The following WDR46 variants were observed in gnomAD, a reference collection of about 807,000 sequenced individuals.
WDR46 encodes WD repeat-containing protein 46.
Under a neutral mutation model 74.7 loss-of-function variants are expected in WDR46, and 58 were observed. That is an observed-to-expected ratio of 0.78 (90% confidence interval 0.63 to 0.97). WDR46 has a LOEUF of 0.97. WDR46 is among the 50% of genes least tolerant of loss of function. The probability of loss-of-function intolerance (pLI) is 0.00; values close to 1 mark genes in which losing one functional copy is unlikely to be tolerated. For synonymous variants in WDR46, 278 were observed against 297.3 expected, an observed-to-expected ratio of 0.93 and a Z score of 0.67; for missense variants, 702 against 790.1, an observed-to-expected ratio of 0.89 and a Z score of 1.34.
Position 33,288,417 on chromosome 6 carries a change from C to T in WDR46, c.414G>A (p.Glu138=). 1 of 1,614,182 alleles carries T rather than the reference C, an allele frequency of 6.2e-7. No homozygotes were observed. The highest frequency in any genetic ancestry group is 8.5e-7 in the Non-Finnish European group (1 of 1,180,042). The part of the protein sequence containing the change: ...TRSRLEVAEA[E]EEETSIKAAR... The stretch of plus-strand genomic sequence containing the variant: ...CAGCTTTGATACTTGTTTCCTCTTC[C>T]TCAGCTTCAGCCACCTCAAGTCGGC... The change falls in exon 4 of 15, where the codon GAG becomes GAA. Residue 138 remains glutamate, a synonymous_variant. Transcript: ENST00000374617.
At chr6:33,282,461 A>G (rs887152438) in intron 10 of WDR46, among the ~76,000 whole-genome samples, 1 of 152,260 alleles carries the variant, frequency 6.6e-6, no homozygotes, top group South Asian at 2.1e-4. Flanking sequence ...ACACCCATCT[A>G]TGGGACCCCT....
chr6:33,288,317 C>T (rs1337149211), intron 4 of WDR46, 41 bp downstream of exon 4: 2 of 1,613,684 alleles, frequency 1.2e-6, no homozygotes, highest in African/African-American at 1.3e-5. Context: ...AAGACAGTCC[C>T]AAAAGGCAGG....
At chr6:33,287,940 AAG>A in intron 6 of WDR46, 23 bp downstream of exon 6, 1 of 1,613,328 alleles carries the variant, frequency 6.2e-7, no homozygotes, top group South Asian at 1.1e-5. Context: ...ATCTTAGTTC[AAG>A]AGTCACTAGA....
chr6:33,284,448 G>A (rs372832796), intron 10 of WDR46: 1 of 153,798 alleles, frequency 6.5e-6, no homozygotes, highest in African/African-American at 2.4e-5. Flanking sequence ...TGTGGAAAAT[G>A]CAGATACTCC....
At chr6:33,280,639 C>T in intron 11 of WDR46, 35 bp downstream of exon 11, 1 of 1,591,644 alleles carries the variant, frequency 6.3e-7, no homozygotes, top group Non-Finnish European at 8.6e-7. Context: ...ACCCAGAGTT[C>T]ATTCACTTCA....
At chr6:33,286,917 G>A in intron 9 of WDR46, 23 bp from the exon 10 acceptor site, 1 of 1,613,032 alleles carries the variant, frequency 6.2e-7, no homozygotes, top group Non-Finnish European at 8.5e-7. Flanking sequence ...AAGAACCAAA[G>A]TTGCTAATAC....
In WDR46 at chr6:33,280,473, G is replaced by C. The variant is rs1384866295; in HGVS notation, c.1479C>G (p.Ser493Arg). ...CCTCCCACTCCTGGCGCTGCTTCCGGCTTCTGTATGGATTACTCTCCAGGC... is the reference window on the plus strand; with the variant it reads ...CCTCCCACTCCTGGCGCTGCTTCCGCCTTCTGTATGGATTACTCTCCAGGC... ...FDGLESNPYR[S>R]RKQRQEWEVK... The change falls in exon 12 of 15, where the codon AGC (serine) becomes AGG (arginine). Residue 493 changes from serine to arginine, a missense_variant. Ser to Arg is a moderately radical substitution (Grantham distance 110). Coordinates refer to ENST00000374617, the MANE Select transcript of WDR46 (RefSeq NM_005452.6). The C allele has an allele frequency of 6.3e-7, 1 of 1,598,460 alleles. No homozygotes were observed. The highest frequency in any genetic ancestry group is 8.5e-7 in the Non-Finnish European group (1 of 1,171,674).
rs1766996147 is a variant in WDR46, at chr6:33,288,965, C to T, written c.118G>A (p.Ala40Thr). 1.2e-6 allele frequency: 2 copies of T among 1,614,126 alleles called. No homozygotes were observed. The highest frequency in any genetic ancestry group is 8.5e-7 in the Non-Finnish European group (1 of 1,180,030). The part of the protein sequence containing the change: ...EEETVPTTAG[A>T]SPGPPRNKKN... ...TTGTTACGAGGAGGCCCTGGAGAGG[C>T]TCCGGCTGTGGTCGGAACGGTCTCT... The change falls in exon 2 of 15, where the codon GCC (alanine) becomes ACC (threonine). Residue 40 changes from alanine to threonine, a missense_variant. Coordinates refer to ENST00000374617, the MANE Select transcript of WDR46 (RefSeq NM_005452.6).
At position 33,280,822 on chromosome 6, in the gene WDR46, TGCCCA is replaced by T. The variant is rs1262873212; in HGVS notation, c.1276_1280del (p.Trp426ArgfsTer11). ...AGGGTGGGCTGGCCTTGCCCTGCCC[TGCCCA>T]GATGTTGACAACGTCACCCATTCCC... On this transcript the variant is annotated frameshift_variant, in exon 11 of 15. Transcript: ENST00000374617. LOFTEE classifies it high-confidence loss of function. 2.5e-6 allele frequency: 4 copies of T among 1,614,050 alleles called. No individual in the cohort carries two copies. The East Asian group carries it at 6.7e-5, about 27-fold the overall frequency.
intron 4 of WDR46, 31 bp from the exon 5 acceptor site, chr6:33,288,266 C>A (rs1268687259): frequency 2.5e-6 from 4 of 1,613,840 alleles, no homozygotes; most frequent in Non-Finnish European, 3.4e-6. Context: ...GGCAGTAAAG[C>A]TTCCCAATAT....
At position 33,288,313 on chromosome 6, in the gene WDR46, G is replaced by C. The variant is rs371500079; in HGVS notation, c.473+45C>G. The stretch of plus-strand genomic sequence containing the variant: ...ACCAACATAAAAACGAGAAAAGACA[G>C]TCCCAAAAGGCAGGGAATGGGGGTC... On this transcript the variant is annotated intron_variant, in intron 4 of 14. Transcript: ENST00000374617. 3.0e-5 allele frequency: 49 copies of C among 1,612,710 alleles called. No individual in the cohort carries two copies. In the Middle Eastern group the frequency reaches 6.6e-4, roughly 22 times the overall value.
At chr6:33,282,219 TGAACCCAGGA>T (rs1372614490) in intron 10 of WDR46, among the ~76,000 whole-genome samples, 3 of 152,186 alleles carry the variant, frequency 2.0e-5, no homozygotes, top group Admixed American at 6.5e-5. Context: ...GCCTTGGCTG[TGAACCCAGGA>T]GAAGGGAACT....
In WDR46 at chr6:33,288,985, G is replaced by A. The variant is rs755172554; in HGVS notation, c.98C>T (p.Thr33Ile). ...KKPRRYWEEE[T>I]VPTTAGASPG... The stretch of plus-strand genomic sequence containing the variant: ...AGAGGCTCCGGCTGTGGTCGGAACG[G>A]TCTCTTCCTCCCAGTATCGCCGCGG... The change falls in exon 2 of 15, where the codon ACC becomes ATC. Residue 33 changes from threonine (T) to isoleucine (I), a missense_variant. Thr to Ile is a moderately conservative substitution (Grantham distance 89). Coordinates refer to ENST00000374617, the MANE Select transcript of WDR46 (RefSeq NM_005452.6). 1 of 1,613,948 alleles carries A rather than the reference G, an allele frequency of 6.2e-7. No homozygotes were observed. The highest frequency in any genetic ancestry group is 8.5e-7 in the Non-Finnish European group (1 of 1,180,040).
rs1288015437 is a variant in WDR46 at position 33,280,847 on chromosome 6, A to G, written c.1256T>C (p.Met419Thr). Reference protein sequence around the residue: ...FSQRGLLVAGMGDVVNIWAGQ... With the variant: ...FSQRGLLVAGTGDVVNIWAGQ... ...TGCCCAGATGTTGACAACGTCACCC[A>G]TTCCCGCCACCAGCAGTCCCCTCTG... Residue 419 changes from methionine (M) to threonine (T), a missense_variant, in exon 11 of 15, where the codon ATG becomes ACG. By Grantham distance (81) the Met-to-Thr change is moderately conservative (BLOSUM62 -1). Coordinates refer to ENST00000374617, the MANE Select transcript of WDR46 (RefSeq NM_005452.6). 18 of 1,614,174 alleles carry G rather than the reference A, an allele frequency of 1.1e-5. No homozygotes were observed. The highest frequency in any genetic ancestry group is 1.5e-5 in the Non-Finnish European group (18 of 1,180,012).
Position 33,280,910 on chromosome 6 carries a change from C to G in WDR46, c.1193G>C (p.Arg398Pro), listed in dbSNP as rs777997886. 1 of 1,614,128 alleles carries G rather than the reference C, an allele frequency of 6.2e-7. No homozygotes were observed. The highest frequency in any genetic ancestry group is 2.2e-5 in the East Asian group (1 of 44,874). Residue 398 changes from arginine to proline, a missense_variant, in exon 11 of 15, where the codon CGG (arginine) becomes CCG (proline). Physicochemically the swap from Arg to Pro is moderately radical, Grantham distance 103. Coordinates refer to ENST00000374617, the MANE Select transcript of WDR46 (RefSeq NM_005452.6). ...LRGTYQPLSTRTLPHGAGHLA... is the reference protein window; with the variant it reads ...LRGTYQPLSTPTLPHGAGHLA... ...GTGCCCTGCTCCATGGGGCAGGGTC[C>G]GAGTGCTCAGAGGCTGGTACGTCCC...
chr6:33,288,066 T>C (rs760598742), intron 5 of WDR46, 40 bp from the exon 6 acceptor site: 1 of 1,613,948 alleles, frequency 6.2e-7, no homozygotes, highest in Non-Finnish European at 8.5e-7. Context: ...TGCCCTGCAG[T>C]AACGCCTTCT....
chr6:33,288,369 A>G lies in WDR46; in HGVS notation c.462T>C (p.Ala154=), dbSNP rs150935164. The part of the protein sequence containing the change: ...IKAARSELLL[A]EEPGFLEGED... ...TAGGGCTCACTCACCCAGGTTCTTC[A>G]GCAAGCAGCAGCTCAGAACGAGCAG... Residue 154 remains alanine, a synonymous_variant, in exon 4 of 15, where the codon GCT becomes GCC. Coordinates refer to ENST00000374617, the MANE Select transcript of WDR46 (RefSeq NM_005452.6). 64 of 1,614,072 alleles carry G rather than the reference A, an allele frequency of 4.0e-5. No individual in the cohort carries two copies. The highest frequency in any genetic ancestry group is 9.3e-5 in the African/African-American group (7 of 74,954).
intron 11 of WDR46, 31 bp downstream of exon 11, chr6:33,280,643 C>T: frequency 6.3e-7 from 1 of 1,586,526 alleles, no homozygotes; most frequent in Non-Finnish European, 8.6e-7. Context: ...AGAGTTCATT[C>T]ACTTCAAGCC....
chr6:33,289,195 CGT>C lies in WDR46; in HGVS notation c.-27_-26del, dbSNP rs1767042410. On this transcript the variant is annotated 5_prime_UTR_variant, in exon 1 of 15. Coordinates refer to ENST00000374617, the MANE Select transcript of WDR46 (RefSeq NM_005452.6). ...TCTCGCCCACCCGAACGGCGATCCA[CGT>C]GCAAAACTCCTCTCAGCTGCCACAC... is the stretch of plus-strand genomic sequence containing the variant. 6.2e-7 allele frequency: 1 copy of C among 1,602,066 alleles called. No homozygotes were observed. Among genetic ancestry groups the C allele is most frequent in the African/African-American group, 1.3e-5 (1 of 74,280 alleles).
Sources: gnomAD v4.1 joint callset for allele counts (sites outside exome capture counted in the v4.1 genomes callset) on GRCh38, gnomAD v4.1.1 for gene constraint, MANE v1.5 for transcripts, NCBI Gene and HGNC (gene_info 2026-07-23, HGNC 2026-07-21) for gene names.